The following CRAMP1 variants were observed in gnomAD, a reference collection of about 807,000 sequenced individuals.
CRAMP1 encodes cramped chromatin regulator 1.
CRAMP1 carries 50 observed loss-of-function variants against 115.4 expected under a neutral mutation model. The ratio of observed to expected loss-of-function variants is 0.43; its 90% CI spans 0.35 to 0.55. The LOEUF (loss-of-function observed/expected upper bound fraction) is 0.55. Among genes scored for constraint, CRAMP1 ranks in the 20% least tolerant of loss-of-function variants. CRAMP1 has a pLI of 0.01. For synonymous variants in CRAMP1, 866 were observed against 745.4 expected, an observed-to-expected ratio of 1.16 and a Z score of -2.64; for missense variants, 1,679 against 1,721.7, an observed-to-expected ratio of 0.98 and a Z score of 0.44.
chr16:1,613,393 G>A (rs567651618), intron 1 of CRAMP1, among the ~76,000 whole-genome samples: 75 of 152,250 alleles, frequency 4.9e-4, no homozygotes, highest in African/African-American at 1.7e-3. Flanking sequence ...AGAGGTCCTC[G>A]CCCGCGTCCC....
chr16:1,640,079 T>A (rs2142184855), intron 5 of CRAMP1, among the ~76,000 whole-genome samples: 1 of 152,338 alleles, frequency 6.6e-6, no homozygotes. Flanking sequence ...GTGCCTCGCC[T>A]GGCGACAAGA....
rs1179251143 is a variant in CRAMP1, at chr16:1,672,590, C to A, written c.3646-1291C>A. 6.6e-6 allele frequency among the ~76,000 whole-genome samples: 1 copy of A among 152,190 alleles called. No individual in the cohort carries two copies. Among genetic ancestry groups the A allele is most frequent in the Non-Finnish European group, 1.5e-5 (1 of 68,046 alleles). On this transcript the variant is annotated intron_variant, in intron 20 of 20. Transcript: ENST00000397412. The surrounding 1 kb of genome is among the most constrained non-coding windows in gnomAD (Gnocchi z 4.9). Reference sequence around the variant, plus strand: ...AAATTTTAATTTGTCTGACATTTCCCATAATCAAAGCATAAAATTTCATTT... The same window carrying A: ...AAATTTTAATTTGTCTGACATTTCCAATAATCAAAGCATAAAATTTCATTT...
At position 1,656,552 on chromosome 16, in the gene CRAMP1, G is replaced by T. The variant is rs1278331183; in HGVS notation, c.1795G>T (p.Val599Leu). ...TCTGGGCGGGGCGGCCTCCCCAGAG[G>T]TGCTGGCTCCTGTCAGCAAGGAGGC... ...PPLGGAASPE[V>L]LAPVSKEAAD... is the part of the protein sequence containing the mutation. The change falls in exon 10 of 21, where the codon GTG (valine) becomes TTG (leucine). Residue 599 changes from valine to leucine, a missense_variant. This residue lies in a region of CRAMP1 where 405 missense variants were observed against 302.6 expected (regional missense o/e 1.34). Transcript: ENST00000397412. The surrounding 1 kb of genome is among the most constrained non-coding windows in gnomAD (Gnocchi z 5.6). The T allele has an allele frequency of 6.4e-7, 1 of 1,557,134 alleles. No homozygotes were observed. The highest frequency in any genetic ancestry group is 2.4e-5 in the East Asian group (1 of 41,342).
chr16:1,644,946 C>T (rs1398443411), intron 6 of CRAMP1, among the ~76,000 whole-genome samples: 1 of 152,078 alleles, frequency 6.6e-6, no homozygotes, highest in African/African-American at 2.4e-5. Context: ...AAGTGATCCT[C>T]CCGTCTTGGC....
intron 3 of CRAMP1, among the ~76,000 whole-genome samples, chr16:1,627,198 C>T (rs954506474): frequency 5.3e-5 from 8 of 151,234 alleles, no homozygotes; most frequent in Non-Finnish European, 8.8e-5. Flanking sequence ...CAGGCTGGAG[C>T]GCAGTGGTGC....
intron 17 of CRAMP1, among the ~76,000 whole-genome samples, chr16:1,667,712 C>T (rs138591054): frequency 1.3e-5 from 2 of 152,218 alleles, no homozygotes; most frequent in Non-Finnish European, 1.5e-5. Flanking sequence ...CCCCAGCCCC[C>T]ACTCTCTTTC....
At chr16:1,640,116 C>T (rs2036620070) in intron 5 of CRAMP1, among the ~76,000 whole-genome samples, 1 of 152,188 alleles carries the variant, frequency 6.6e-6, no homozygotes, top group Non-Finnish European at 1.5e-5. Flanking sequence ...TTCATTCCTT[C>T]CTGAAGTTCC....
intron 2 of CRAMP1, among the ~76,000 whole-genome samples, chr16:1,615,406 G>T (rs143443134): frequency 2.0e-4 from 31 of 152,294 alleles, no homozygotes; most frequent in African/African-American, 5.1e-4. Flanking sequence ...AAACTCATTG[G>T]GGGGAAGATG....
chr16:1,668,370 T>C (rs2036894260), intron 18 of CRAMP1, among the ~76,000 whole-genome samples, 177 bp downstream of exon 18: 1 of 152,214 alleles, frequency 6.6e-6, no homozygotes, highest in African/African-American at 2.4e-5. Context: ...AAGGTACCTG[T>C]GGGACCTGAG....
rs2036949828 is a variant in CRAMP1, at chr16:1,674,387, C to T, written c.*342C>T. 1 of 297,826 alleles carries T rather than the reference C, an allele frequency of 3.4e-6. No individual in the cohort carries two copies. The allele number at this position is 297,826 out of a possible 1,614,324, so 18.4% of individuals were successfully genotyped here. A position where few individuals can be genotyped will look rare whatever the true frequency, so the allele number is the denominator to read the frequency against. On this transcript the variant is annotated 3_prime_UTR_variant, in exon 21 of 21. Transcript: ENST00000397412. ...ATTCCGGTGGCATTTCCTTCTGAGACAAGGGAGTATGTGTGCCTTGGTGTA... is the reference window on the plus strand; with the variant it reads ...ATTCCGGTGGCATTTCCTTCTGAGATAAGGGAGTATGTGTGCCTTGGTGTA...
chr16:1,638,243 G>A (rs1159983701), intron 5 of CRAMP1, among the ~76,000 whole-genome samples: 2 of 152,154 alleles, frequency 1.3e-5, no homozygotes, highest in African/African-American at 4.8e-5. Context: ...CTCCTATATA[G>A]CCTTGATACC....
chr16:1,656,435 C>T lies in CRAMP1; in HGVS notation c.1678C>T (p.Pro560Ser), dbSNP rs374501457. Residue 560 changes from proline to serine, a missense_variant, in exon 10 of 21, where the codon CCC (proline) becomes TCC (serine). This residue lies in a region of CRAMP1 where 405 missense variants were observed against 302.6 expected (regional missense o/e 1.34). Transcript: ENST00000397412. The surrounding 1 kb of genome is among the most constrained non-coding windows in gnomAD (Gnocchi z 5.6). Reference protein sequence around the residue: ...DLEDELSLLDPLPRYLKSCQD... With the variant: ...DLEDELSLLDSLPRYLKSCQD... ...GGAGGACGAGCTCTCGCTTCTAGAC[C>T]CCTTGCCCCGCTACCTAAAGTCCTG... The T allele has an allele frequency of 6.3e-7, 1 of 1,585,622 alleles. No individual in the cohort carries two copies. Among genetic ancestry groups the T allele is most frequent in the Non-Finnish European group, 8.6e-7 (1 of 1,166,492 alleles).
At chr16:1,632,940 G>C (rs2036558382) in intron 4 of CRAMP1, among the ~76,000 whole-genome samples, 2 of 152,162 alleles carry the variant, frequency 1.3e-5, no homozygotes, top group Non-Finnish European at 2.9e-5. Flanking sequence ...TCTGTCCTTG[G>C]GAGTCTTAGC....
At chr16:1,648,186 C>T (rs2036692674) in intron 6 of CRAMP1, among the ~76,000 whole-genome samples, 1 of 151,776 alleles carries the variant, frequency 6.6e-6, no homozygotes, top group Admixed American at 6.6e-5. Context: ...AACACAGGTG[C>T]CACATGACAC....
chr16:1,638,485 C>G (rs928253099), intron 5 of CRAMP1, among the ~76,000 whole-genome samples: 2 of 152,206 alleles, frequency 1.3e-5, no homozygotes, highest in African/African-American at 2.4e-5. Context: ...CTCACGCAGG[C>G]CCTTGCTTGG....
rs140838655 is a variant in CRAMP1, at chr16:1,641,625, C to G, written c.827+438C>G. Among the ~76,000 whole-genome samples, 1,204 of 152,320 alleles carry G rather than the reference C, an allele frequency of 7.9e-3. 11 individuals are homozygous for G. Among genetic ancestry groups the G allele is most frequent in the Non-Finnish European group, 8.5e-3 (579 of 68,014 alleles). ...GTGCCCTGGATGCTTCTGTCTCCAA[C>G]TGGCCGCTCTCCTCCCCTCACACAC... On this transcript the variant is annotated intron_variant, in intron 6 of 20. Transcript: ENST00000397412.
At chr16:1,632,498 C>A in intron 4 of CRAMP1, 133 bp downstream of exon 4, 1 of 888,942 alleles carries the variant, frequency 1.1e-6, no homozygotes. Flanking sequence ...TGGGGCTCCT[C>A]GCCTTGCAGC....
intron 4 of CRAMP1, among the ~76,000 whole-genome samples, chr16:1,636,325 C>T (rs1001545038): frequency 1.1e-4 from 17 of 151,320 alleles, no homozygotes; most frequent in South Asian, 2.1e-4. Flanking sequence ...GAGCTGAGAT[C>T]GCGTCACCGC....
chr16:1,647,748 T>TAA (rs35279793), intron 6 of CRAMP1, among the ~76,000 whole-genome samples: 129 of 87,728 alleles, frequency 1.5e-3, no homozygotes, highest in African/African-American at 4.3e-3. Context: ...GACTCTGCCT[T>TAA]AAAAAAAAAA....
Sources: allele counts gnomAD v4.1 joint callset (sites outside exome capture counted in the v4.1 genomes callset), GRCh38; gene constraint gnomAD v4.1.1; regional missense constraint gnomAD v4.1.1; non-coding constraint Gnocchi (gnomAD v3.1); transcripts MANE v1.5; gene names NCBI Gene and HGNC (gene_info 2026-07-23, HGNC 2026-07-21).